The following KCNMA1 variants were observed in gnomAD, a reference collection of about 807,000 sequenced individuals.
KCNMA1 encodes potassium calcium-activated channel subfamily M alpha 1, also known as Calcium-activated potassium channel subunit alpha-1.
Under a neutral mutation model 140.0 loss-of-function variants are expected in KCNMA1, and 29 were observed. The ratio of observed to expected loss-of-function variants is 0.21; its 90% CI spans 0.15 to 0.28. The LOEUF (loss-of-function observed/expected upper bound fraction) is 0.28. Ranked by LOEUF, KCNMA1 falls within the 10% of genes least tolerant of loss-of-function variation. The pLI is 1.00. For missense variants in KCNMA1, 880 were observed against 1,602.2 expected, an observed-to-expected ratio of 0.55 and a Z score of 7.70; for synonymous variants, 612 against 611.9, an observed-to-expected ratio of 1.00 and a Z score of 0.00.
chr10:77,553,425 C>T (rs1208171860), intron 1 of KCNMA1, among the ~76,000 whole-genome samples: 1 of 152,198 alleles, frequency 6.6e-6, no homozygotes, highest in Admixed American at 6.5e-5. Flanking sequence ...GCCGTTGACA[C>T]TCCTCTAGTG....
chr10:77,174,064 G>C (rs967509585), intron 5 of KCNMA1, among the ~76,000 whole-genome samples: 1 of 152,110 alleles, frequency 6.6e-6, no homozygotes, highest in Non-Finnish European at 1.5e-5. Context: ...CCAGCCTCTA[G>C]GGGGCACCAG....
intron 22 of KCNMA1, among the ~76,000 whole-genome samples, chr10:76,948,622 C>T (rs568062147): frequency 4.6e-5 from 7 of 152,128 alleles, no homozygotes; most frequent in Non-Finnish European, 7.3e-5. Flanking sequence ...ACCATGAACA[C>T]GTTGCTGGAC....
At chr10:76,893,426 C>T (rs993740744) in intron 25 of KCNMA1, among the ~76,000 whole-genome samples, 16 of 152,056 alleles carry the variant, frequency 1.1e-4, no homozygotes, top group Non-Finnish European at 8.8e-5. Flanking sequence ...ATTTTAAACT[C>T]GATGTGGTAG....
chr10:77,272,643 T>C (rs2065486211), intron 2 of KCNMA1, among the ~76,000 whole-genome samples: 1 of 151,830 alleles, frequency 6.6e-6, no homozygotes, highest in African/African-American at 2.4e-5. Flanking sequence ...TAAATATATA[T>C]ATATATACAC....
At chr10:77,507,815 A>T (rs1218310573) in intron 1 of KCNMA1, among the ~76,000 whole-genome samples, 2 of 152,252 alleles carry the variant, frequency 1.3e-5, no homozygotes, top group African/African-American at 2.4e-5. Flanking sequence ...CAATGTATAG[A>T]GAATCTTAAA....
chr10:77,120,527 C>T (rs1314656700), intron 6 of KCNMA1, among the ~76,000 whole-genome samples: 2 of 152,180 alleles, frequency 1.3e-5, no homozygotes, highest in Non-Finnish European at 2.9e-5. Flanking sequence ...TTGCCTCTCA[C>T]AGCATTGCTT....
At chr10:77,265,076 G>A (rs994223843) in intron 2 of KCNMA1, among the ~76,000 whole-genome samples, 3 of 151,820 alleles carry the variant, frequency 2.0e-5, no homozygotes, top group African/African-American at 7.3e-5. Context: ...TCCTGAGACA[G>A]GGTTTCACTC....
chr10:77,413,132 T>A (rs1031634476), intron 1 of KCNMA1, among the ~76,000 whole-genome samples: 5 of 152,134 alleles, frequency 3.3e-5, no homozygotes, highest in African/African-American at 9.7e-5. Flanking sequence ...TGCTAGGATT[T>A]ACAGGAGTGA....
intron 2 of KCNMA1, among the ~76,000 whole-genome samples, chr10:77,282,567 T>C (rs1487582254): frequency 2.0e-5 from 3 of 152,186 alleles, no homozygotes; most frequent in South Asian, 2.1e-4. Context: ...ACTCATAAAC[T>C]GTGGGACTTT....
intron 1 of KCNMA1, among the ~76,000 whole-genome samples, chr10:77,500,068 G>A (rs1284386633): frequency 2.6e-5 from 4 of 151,728 alleles, no homozygotes; most frequent in Non-Finnish European, 4.4e-5. Context: ...AAATACTTGA[G>A]AGGCAGCATG....
chr10:77,487,301 TGAA>T (rs1567110992), intron 1 of KCNMA1, among the ~76,000 whole-genome samples: 2 of 152,262 alleles, frequency 1.3e-5, no homozygotes, highest in East Asian at 3.9e-4. Flanking sequence ...CACACTTAAA[TGAA>T]GAAGACCAAG....
chr10:77,587,055 G>A (rs562713693), intron 1 of KCNMA1: 1 of 152,254 alleles, frequency 6.6e-6, no homozygotes, highest in Non-Finnish European at 1.5e-5. Context: ...TGGTATCTGC[G>A]GCCATACCAC....
chr10:77,074,467 T>C (rs1235200714), intron 13 of KCNMA1, among the ~76,000 whole-genome samples: 2 of 152,196 alleles, frequency 1.3e-5, no homozygotes, highest in Non-Finnish European at 2.9e-5. Context: ...AAAAGATCTT[T>C]TGAGGAACAG....
At chr10:77,395,122 G>C (rs894316127) in intron 2 of KCNMA1, among the ~76,000 whole-genome samples, 1 of 152,134 alleles carries the variant, frequency 6.6e-6, no homozygotes, top group Non-Finnish European at 1.5e-5. Context: ...CAAGGTGAGA[G>C]GATTGCCTGG....
chr10:77,027,304 C>A (rs1267002031), intron 16 of KCNMA1, among the ~76,000 whole-genome samples: 2 of 152,170 alleles, frequency 1.3e-5, no homozygotes, highest in East Asian at 3.9e-4. Flanking sequence ...GCTCCACTCT[C>A]CTGGCTCATT....
In KCNMA1 at chr10:77,403,933, C is replaced by T. The variant is rs767576877; in HGVS notation, c.469G>A (p.Gly157Ser). Reference protein sequence around the residue: ...EKEEAVAAEVGWMTSVKDWAG... With the variant: ...EKEEAVAAEVSWMTSVKDWAG... ...CAGTCCTTCACGGAGGTCATCCAGC[C>T]GACCTCGGCGGCCACTGCCTCCTCT... Residue 157 changes from glycine to serine, a missense_variant, in exon 2 of 28, where the codon GGC (glycine) becomes AGC (serine). Physicochemically the swap from Gly to Ser is moderately conservative, Grantham distance 56 (BLOSUM62 0). Transcript: ENST00000286628. 6.2e-6 allele frequency: 10 copies of T among 1,614,028 alleles called. No homozygotes were observed. The highest frequency in any genetic ancestry group is 5.1e-6 in the Non-Finnish European group (6 of 1,180,030).
chr10:77,608,713 T>G (rs556719042), intron 1 of KCNMA1, among the ~76,000 whole-genome samples: 64 of 152,316 alleles, frequency 4.2e-4, no homozygotes, highest in African/African-American at 1.5e-3. Context: ...CTCAGCCTGT[T>G]ATAGACACTT....
intron 1 of KCNMA1, among the ~76,000 whole-genome samples, chr10:77,511,590 T>C (rs2048420107): frequency 6.6e-6 from 1 of 152,166 alleles, no homozygotes; most frequent in African/African-American, 2.4e-5. Context: ...TCATAGAATT[T>C]CTGTGATGCA....
intron 2 of KCNMA1, among the ~76,000 whole-genome samples, chr10:77,399,479 C>T (rs933544204): frequency 3.9e-5 from 6 of 152,180 alleles, no homozygotes; most frequent in African/African-American, 1.4e-4. Context: ...GTACTCTTGA[C>T]AGCCTGGTGT....
Sources: gnomAD v4.1 joint callset for allele counts (sites outside exome capture counted in the v4.1 genomes callset) on GRCh38, gnomAD v4.1.1 for gene constraint, MANE v1.5 for transcripts, NCBI Gene and HGNC (gene_info 2026-07-23, HGNC 2026-07-21) for gene names.